RGS7: variants seen among roughly 807,000 people sequenced by gnomAD.
RGS7 encodes regulator of G-protein signaling 7.
In RGS7, 27 loss-of-function variants were observed where a neutral mutation model predicts 81.1. The ratio of observed to expected loss-of-function variants is 0.33; its 90% CI spans 0.25 to 0.46. The LOEUF is 0.46. Among genes scored for constraint, RGS7 ranks in the 20% least tolerant of loss-of-function variants. The pLI is 1.00. For synonymous variants in RGS7, 208 were observed against 207.7 expected, an observed-to-expected ratio of 1.00 and a Z score of -0.01; for missense variants, 396 against 607.4, an observed-to-expected ratio of 0.65 and a Z score of 3.66.
intron 6 of RGS7, among the ~76,000 whole-genome samples, chr1:240,918,834 A>G (rs547314466): frequency 6.9e-4 from 105 of 151,848 alleles, no homozygotes; most frequent in Non-Finnish European, 9.7e-4. Flanking sequence ...GCCTCTAGCC[A>G]GGCTAATTAA....
intron 6 of RGS7, among the ~76,000 whole-genome samples, chr1:240,925,591 A>C (rs2148323093): frequency 6.6e-6 from 1 of 152,232 alleles, no homozygotes; most frequent in East Asian, 1.9e-4. Context: ...TGAACACATA[A>C]GTGCACATGT....
At chr1:241,312,013 CCT>C (rs2080564640) in intron 2 of RGS7, among the ~76,000 whole-genome samples, 1 of 152,180 alleles carries the variant, frequency 6.6e-6, no homozygotes, top group Admixed American at 6.5e-5. Context: ...TTTCATCACA[CCT>C]CTGTCTTCCT....
chr1:240,843,440 AT>A lies in RGS7; in HGVS notation c.610-16269del, dbSNP rs559554248. Among the ~76,000 whole-genome samples the A allele has an allele frequency of 4.0e-3, 599 of 151,418 alleles. 3 individuals carry two copies. Among genetic ancestry groups the A allele is most frequent in the Non-Finnish European group, 7.0e-3 (473 of 67,826 alleles). On this transcript the variant is annotated intron_variant, in intron 9 of 18. Coordinates refer to ENST00000440928, the MANE Select transcript of RGS7 (RefSeq NM_001364886.1). ...ATCACCATGGCTGGCTGATTTTTGT[AT>A]TTTTTGTAGGGATGAGGTTTTGCTA...
At chr1:240,818,784 G>C (rs1691268864) in intron 10 of RGS7, among the ~76,000 whole-genome samples, 3 of 152,170 alleles carry the variant, frequency 2.0e-5, no homozygotes, top group Admixed American at 6.5e-5. Context: ...GGCTGGGATA[G>C]GGGGTGAGGA....
At chr1:241,250,009 G>A (rs1401807066) in intron 2 of RGS7, among the ~76,000 whole-genome samples, 3 of 152,070 alleles carry the variant, frequency 2.0e-5, no homozygotes, top group African/African-American at 7.2e-5. Flanking sequence ...ATCACATGTT[G>A]TTTGAGAAAG....
intron 2 of RGS7, among the ~76,000 whole-genome samples, chr1:241,344,223 C>T (rs897243862): frequency 2.0e-5 from 3 of 152,112 alleles, no homozygotes; most frequent in South Asian, 2.1e-4. Flanking sequence ...CTCTTGTATT[C>T]GTTTGAACTA....
intron 6 of RGS7, among the ~76,000 whole-genome samples, chr1:240,928,604 ATTTTTTTT>A (rs769378768): frequency 7.6e-4 from 103 of 134,928 alleles, no homozygotes; most frequent in African/African-American, 2.6e-3. Context: ...TTTCTTTATA[ATTTTTTTT>A]TTTTTTTTTT....
chr1:241,288,195 C>T (rs10802946), intron 2 of RGS7, among the ~76,000 whole-genome samples: 67,478 of 152,112 alleles, frequency 0.44, 16,231 homozygotes, highest in Non-Finnish European at 0.53. Context: ...ATATGTTTCA[C>T]GTGGCCAAGA....
chr1:240,898,212 G>A (rs1669410489), intron 6 of RGS7, among the ~76,000 whole-genome samples: 1 of 152,000 alleles, frequency 6.6e-6, no homozygotes. Context: ...TGTCAATTTT[G>A]TTGATCTTTT....
chr1:240,824,151 T>C (rs945411359), intron 10 of RGS7, among the ~76,000 whole-genome samples: 1 of 152,210 alleles, frequency 6.6e-6, no homozygotes, highest in African/African-American at 2.4e-5. Flanking sequence ...TTGATAAACA[T>C]GTCAAACATT....
intron 2 of RGS7, among the ~76,000 whole-genome samples, chr1:241,120,912 T>C (rs2066212538): frequency 6.6e-6 from 1 of 152,128 alleles, no homozygotes; most frequent in South Asian, 2.1e-4. Flanking sequence ...ATAGGTTAAG[T>C]AAGCCTGCTT....
rs531973879 is a variant in RGS7, at chr1:241,296,476, A to G, written c.78+59223T>C. ...AAATTTTAAGTAAAAAATAAGAAAT[A>G]AAATCAACATGTCCAATGTCATTGC... is the stretch of plus-strand genomic sequence containing the variant. On this transcript the variant is annotated intron_variant, in intron 2 of 18. Coordinates refer to ENST00000440928, the MANE Select transcript of RGS7 (RefSeq NM_001364886.1). Among the ~76,000 whole-genome samples the G allele has an allele frequency of 2.1e-4, 32 of 152,368 alleles. No individual in the cohort carries two copies. The South Asian group carries it at 6.4e-3, about 31-fold the overall frequency.
At chr1:241,302,188 G>A (rs749707335) in intron 2 of RGS7, among the ~76,000 whole-genome samples, 1 of 152,326 alleles carries the variant, frequency 6.6e-6, no homozygotes, top group Non-Finnish European at 1.5e-5. Flanking sequence ...CTAGCACATT[G>A]CAGGAACAGC....
intron 6 of RGS7, among the ~76,000 whole-genome samples, chr1:240,901,081 G>A (rs928408591): frequency 5.9e-5 from 9 of 152,188 alleles, no homozygotes; most frequent in African/African-American, 2.2e-4. Flanking sequence ...GTGGGTGTGG[G>A]ACCCTCCGAG....
intron 18 of RGS7, among the ~76,000 whole-genome samples, chr1:240,795,978 G>A (rs1292291093): frequency 6.6e-6 from 1 of 152,068 alleles, no homozygotes; most frequent in Non-Finnish European, 1.5e-5. Flanking sequence ...GCAGAGACGG[G>A]GTCTTGCCAT....
At chr1:241,319,765 C>A (rs1432014182) in intron 2 of RGS7, among the ~76,000 whole-genome samples, 1 of 152,086 alleles carries the variant, frequency 6.6e-6, no homozygotes, top group Admixed American at 6.6e-5. Flanking sequence ...TAAACATATT[C>A]TAGAAAATGT....
intron 3 of RGS7, among the ~76,000 whole-genome samples, chr1:241,009,706 C>T (rs1215544528): frequency 1.3e-5 from 2 of 152,140 alleles, no homozygotes; most frequent in Non-Finnish European, 2.9e-5. Flanking sequence ...TGGAAGTGAA[C>T]ACTTCTCTCA....
intron 4 of RGS7, among the ~76,000 whole-genome samples, chr1:240,959,313 C>T (rs950214397): frequency 1.6e-4 from 25 of 152,102 alleles, no homozygotes; most frequent in African/African-American, 4.3e-4. Flanking sequence ...CATCATTGTG[C>T]GAACTTCATG....
intron 18 of RGS7, among the ~76,000 whole-genome samples, chr1:240,784,409 G>A (rs1684682979): frequency 6.6e-6 from 1 of 151,896 alleles, no homozygotes; most frequent in Admixed American, 6.5e-5. Context: ...GGGAGGTAGA[G>A]GCGGGCAGAT....
Sources: gnomAD v4.1 joint callset for allele counts (sites outside exome capture counted in the v4.1 genomes callset) on GRCh38, gnomAD v4.1.1 for gene constraint, MANE v1.5 for transcripts, NCBI Gene and HGNC (gene_info 2026-07-23, HGNC 2026-07-21) for gene names.